The following TWIST2 variants were observed in gnomAD, a reference collection of about 807,000 sequenced individuals.
TWIST2 encodes twist-related protein 2.
In TWIST2, 1 loss-of-function variant was observed where a neutral mutation model predicts 11.6. That is an observed-to-expected ratio of 0.09 (90% CI 0.03 to 0.41). TWIST2 has a LOEUF of 0.41. Among genes scored for constraint, TWIST2 ranks in the 10% least tolerant of loss-of-function variants. The pLI, the probability that TWIST2 is intolerant of heterozygous loss-of-function variation, is 0.98. For synonymous variants in TWIST2, 87 were observed against 96.6 expected (o/e 0.90, Z 0.58); for missense variants, 168 against 226.4 (o/e 0.74, Z 1.66).
intron 1 of TWIST2, among the ~76,000 whole-genome samples, chr2:238,853,374 G>A (rs941467483): frequency 2.0e-5 from 3 of 149,002 alleles, no homozygotes; most frequent in Non-Finnish European, 4.4e-5. Context: ...ATATAGCAGA[G>A]GAGGGAGGGA....
intron 1 of TWIST2, among the ~76,000 whole-genome samples, chr2:238,892,929 G>C (rs1478621201): frequency 1.3e-5 from 2 of 152,196 alleles, no homozygotes; most frequent in Non-Finnish European, 2.9e-5. Context: ...TTCATGTGGT[G>C]CAGAAGTTTG....
At chr2:238,870,297 C>CAAA (rs1292174025) in intron 1 of TWIST2, among the ~76,000 whole-genome samples, 4 of 72 alleles carry the variant, frequency 0.056, 2 homozygotes, top group African/African-American at 0.2. Flanking sequence ...ATACCACACA[C>CAAA]CCCCACACAC....
At position 238,848,353 on chromosome 2, in the gene TWIST2, C is replaced by T; in HGVS notation, c.138C>T (p.Thr46=). The change falls in exon 1 of 2, where the codon ACC becomes ACT. Residue 46 remains threonine (T), a synonymous_variant. Coordinates refer to ENST00000612363, the MANE Select transcript of TWIST2 (RefSeq NM_001271893.4). ...AGTCGAGCGAAGATGGCAGCCCGAC[C>T]CCGGGCAAGCGCGGCAAGAAGGGCA... ...SKKSSEDGSP[T]PGKRGKKGSP... 6.5e-7 allele frequency: 1 copy of T among 1,534,660 alleles called. No individual in the cohort carries two copies.
chr2:238,883,064 G>A (rs1225885811), intron 1 of TWIST2, among the ~76,000 whole-genome samples: 1 of 152,218 alleles, frequency 6.6e-6, no homozygotes, highest in Non-Finnish European at 1.5e-5. Flanking sequence ...TTCTCCTCCA[G>A]GTTCTGTTTT....
Position 238,873,712 on chromosome 2 carries a change from A to G in TWIST2, c.*35+24979A>G, listed in dbSNP as rs533202789. Reference sequence around the variant, plus strand: ...CAGAAGCAAAGTTGGGCTGAGAGTCAGAAGCAAATCTGGGCCGAGAGTCAC... The same window carrying G: ...CAGAAGCAAAGTTGGGCTGAGAGTCGGAAGCAAATCTGGGCCGAGAGTCAC... On this transcript the variant is annotated intron_variant, in intron 1 of 1. Transcript: ENST00000612363. Among the ~76,000 whole-genome samples the G allele has an allele frequency of 4.6e-5, 7 of 152,342 alleles. No homozygotes were observed. In the East Asian group the frequency reaches 1.4e-3, roughly 29 times the overall value.
chr2:238,883,265 G>C (rs530719512), intron 1 of TWIST2, among the ~76,000 whole-genome samples: 3 of 152,324 alleles, frequency 2.0e-5, no homozygotes, highest in African/African-American at 7.2e-5. Flanking sequence ...CTCGTGGACT[G>C]TTTATCCTCG....
At chr2:238,908,196 C>T (rs2106376739) in intron 1 of TWIST2, among the ~76,000 whole-genome samples, 1 of 151,326 alleles carries the variant, frequency 6.6e-6, no homozygotes, top group South Asian at 2.1e-4. Context: ...CACACATACA[C>T]ACGCCACACT....
intron 1 of TWIST2, among the ~76,000 whole-genome samples, chr2:238,853,448 G>GGAGAGAGAGAGAGAGA (rs375821278): frequency 2.3e-5 from 3 of 130,630 alleles, no homozygotes; most frequent in African/African-American, 5.9e-5. Flanking sequence ...AGGGAGAGAT[G>GGAGAGAGAGAGAGAGA]GAGAGAGAGA....
chr2:238,898,737 G>A (rs1373373969), intron 1 of TWIST2, among the ~76,000 whole-genome samples: 1 of 152,240 alleles, frequency 6.6e-6, no homozygotes, highest in Non-Finnish European at 1.5e-5. Context: ...CTCGTGCTAA[G>A]GGCTTTGAGG....
intron 1 of TWIST2, among the ~76,000 whole-genome samples, chr2:238,900,254 G>T (rs1446612403): frequency 1.3e-5 from 2 of 152,160 alleles, no homozygotes; most frequent in African/African-American, 4.8e-5. Flanking sequence ...GAATCCGACT[G>T]CCTGGTGACA....
chr2:238,872,166 T>C (rs1003152534), intron 1 of TWIST2, among the ~76,000 whole-genome samples: 1 of 152,194 alleles, frequency 6.6e-6, no homozygotes, highest in Non-Finnish European at 1.5e-5. Context: ...GCCCCCATGC[T>C]CTCTATCCCA....
intron 1 of TWIST2, among the ~76,000 whole-genome samples, chr2:238,899,145 A>T (rs946873037): frequency 5.3e-5 from 8 of 152,164 alleles, no homozygotes; most frequent in African/African-American, 1.9e-4. Context: ...AAGCCATGTG[A>T]CCGCTGGCCA....
At chr2:238,860,581 T>A (rs1018563319) in intron 1 of TWIST2, among the ~76,000 whole-genome samples, 2 of 152,208 alleles carry the variant, frequency 1.3e-5, no homozygotes, top group Non-Finnish European at 2.9e-5. Context: ...AACTGAGGGA[T>A]CAGGAGAACT....
intron 1 of TWIST2, among the ~76,000 whole-genome samples, chr2:238,891,849 GCGGAGTC>G: frequency 6.6e-6 from 1 of 152,274 alleles, no homozygotes; most frequent in South Asian, 2.1e-4. Context: ...CGCTGGGTCT[GCGGAGTC>G]CGCGGGGATG....
chr2:238,877,100 C>T lies in TWIST2; in HGVS notation c.*35+28367C>T, dbSNP rs559470633. Among the ~76,000 whole-genome samples, 128 of 152,052 alleles carry T rather than the reference C, an allele frequency of 8.4e-4. 1 individual carries two copies. Among genetic ancestry groups the T allele is most frequent in the African/African-American group, 2.8e-3 (118 of 41,466 alleles). ...TGGTCCCAGCTACTCAGGAGGCTGA[C>T]GCAGGAGAATTGCTTGAGCCCAGGA... is the stretch of plus-strand genomic sequence containing the variant. On this transcript the variant is annotated intron_variant, in intron 1 of 1. Coordinates refer to ENST00000612363, the MANE Select transcript of TWIST2 (RefSeq NM_001271893.4).
chr2:238,908,357 CACATACA>C (rs1693391861), intron 1 of TWIST2, among the ~76,000 whole-genome samples: 1 of 149,960 alleles, frequency 6.7e-6, no homozygotes, highest in Non-Finnish European at 1.5e-5. Flanking sequence ...CACCACACCC[CACATACA>C]CACAAACACA....
chr2:238,874,016 T>C (rs36197001), intron 1 of TWIST2, among the ~76,000 whole-genome samples: 79,927 of 151,918 alleles, frequency 0.53, 20,960 homozygotes, highest in South Asian at 0.54. Flanking sequence ...CTCTCTGAGA[T>C]GGGGTTCATG....
intron 1 of TWIST2, among the ~76,000 whole-genome samples, chr2:238,872,936 G>C (rs1290306995): frequency 1.3e-5 from 2 of 152,202 alleles, no homozygotes; most frequent in African/African-American, 4.8e-5. Flanking sequence ...TCTGCTGGGT[G>C]CTGGAGACAT....
At chr2:238,890,963 C>T (rs1010924178) in intron 1 of TWIST2, among the ~76,000 whole-genome samples, 1 of 152,214 alleles carries the variant, frequency 6.6e-6, no homozygotes, top group Non-Finnish European at 1.5e-5. Flanking sequence ...ACCCCGGGAC[C>T]TTGCCAGCTA....
Sources: allele counts gnomAD v4.1 joint callset (sites outside exome capture counted in the v4.1 genomes callset), GRCh38; gene constraint gnomAD v4.1.1; transcripts MANE v1.5; gene names NCBI Gene and HGNC (gene_info 2026-07-23, HGNC 2026-07-21).